CNTN4: variants seen among roughly 807,000 people sequenced by gnomAD.
CNTN4 encodes contactin 4.
A neutral mutation model predicts 122.5 loss-of-function variants in CNTN4; 77 were observed. That is an observed-to-expected ratio of 0.63 (90% CI 0.52 to 0.76). CNTN4 has a LOEUF of 0.76. Ranked by LOEUF, CNTN4 falls within the 30% of genes least tolerant of loss-of-function variation. CNTN4 has a pLI of 0.00. For missense variants in CNTN4, 1,256 were observed against 1,259.1 expected (o/e 1.00, Z 0.04); for synonymous variants, 512 against 447.0 (o/e 1.15, Z -1.83).
At chr3:2,960,972 T>C (rs1182654103) in intron 13 of CNTN4, among the ~76,000 whole-genome samples, 1 of 151,272 alleles carries the variant, frequency 6.6e-6, no homozygotes, top group Non-Finnish European at 1.5e-5. Context: ...GACTCACGCC[T>C]GTAATCCCAG....
chr3:2,799,549 G>A (rs1385387951), intron 6 of CNTN4, among the ~76,000 whole-genome samples: 5 of 151,776 alleles, frequency 3.3e-5, no homozygotes, highest in African/African-American at 1.2e-4. Flanking sequence ...TGCAACCTCT[G>A]CCTCCGGGGT....
intron 4 of CNTN4, among the ~76,000 whole-genome samples, chr3:2,724,400 A>G (rs770231830): frequency 5.3e-5 from 8 of 152,200 alleles, no homozygotes; most frequent in Non-Finnish European, 1.2e-4. Context: ...CCTATCTCCT[A>G]AGAAACAATG....
chr3:2,629,216 T>C (rs1351401821), intron 4 of CNTN4, among the ~76,000 whole-genome samples: 1 of 152,122 alleles, frequency 6.6e-6, no homozygotes, highest in Non-Finnish European at 1.5e-5. Flanking sequence ...GAAAAGGCCC[T>C]GTGGGGACAC....
intron 2 of CNTN4, among the ~76,000 whole-genome samples, chr3:2,164,690 C>G (rs1229455286): frequency 2.0e-5 from 3 of 152,148 alleles, no homozygotes; most frequent in African/African-American, 7.2e-5. Context: ...TTCTCATCTG[C>G]CACAGAAAAT....
rs529479721 is a variant in CNTN4, at chr3:2,709,826, G to C, written c.56-26389G>C. 6.6e-5 allele frequency among the ~76,000 whole-genome samples: 10 copies of C among 152,060 alleles called. No homozygotes were observed. Among genetic ancestry groups the C allele is most frequent in the South Asian group, 2.1e-4 (1 of 4,816 alleles). On this transcript the variant is annotated intron_variant, in intron 4 of 24. Coordinates refer to ENST00000418658, the MANE Select transcript of CNTN4 (RefSeq NM_175607.3). This position sits in a 1 kb window ranked among gnomAD's most constrained non-coding sequence, Gnocchi z 5.0. Reference sequence around the variant, plus strand: ...CTACTTGGGAGGCTGAGCCAGGAGAGCCCGGGAGTCCAGCAGTGAGCTGAG... The same window carrying C: ...CTACTTGGGAGGCTGAGCCAGGAGACCCCGGGAGTCCAGCAGTGAGCTGAG...
At chr3:2,184,826 GA>G (rs1472097716) in intron 2 of CNTN4, among the ~76,000 whole-genome samples, 1 of 152,036 alleles carries the variant, frequency 6.6e-6, no homozygotes, top group African/African-American at 2.4e-5. Flanking sequence ...AGAAGTGTGA[GA>G]AAAAAATTTC....
At chr3:2,213,712 A>T (rs11923165) in intron 2 of CNTN4, among the ~76,000 whole-genome samples, 2,198 of 152,290 alleles carry the variant, frequency 0.014, 49 homozygotes, top group African/African-American at 0.05. Context: ...CTGAAAAGCA[A>T]GTTTTGTTTT....
At chr3:2,842,944 A>G (rs1032124606) in intron 7 of CNTN4, among the ~76,000 whole-genome samples, 3 of 151,870 alleles carry the variant, frequency 2.0e-5, no homozygotes, top group African/African-American at 7.3e-5. Context: ...CCAGGCCTTT[A>G]TCTCTCTGTA....
At chr3:2,916,961 TGGA>T (rs1311600740) in intron 12 of CNTN4, among the ~76,000 whole-genome samples, 6 of 135,968 alleles carry the variant, frequency 4.4e-5, no homozygotes, top group Non-Finnish European at 7.9e-5. Context: ...GGCTGGGAGG[TGGA>T]GGTTGCAGCG....
intron 2 of CNTN4, among the ~76,000 whole-genome samples, chr3:2,142,202 A>G (rs2035027354): frequency 6.6e-6 from 1 of 152,180 alleles, no homozygotes; most frequent in East Asian, 1.9e-4. Flanking sequence ...TTTTTCCAAT[A>G]TTTGTGGAAG....
At chr3:3,051,648 C>G (rs1701285236) in intron 23 of CNTN4, among the ~76,000 whole-genome samples, 2 of 152,178 alleles carry the variant, frequency 1.3e-5, no homozygotes, top group South Asian at 2.1e-4. Flanking sequence ...GATGCTGGGT[C>G]TGATACAACT....
intron 4 of CNTN4, among the ~76,000 whole-genome samples, chr3:2,613,814 ATGTT>A (rs761708873): frequency 2.6e-5 from 4 of 151,906 alleles, no homozygotes; most frequent in Non-Finnish European, 4.4e-5. Context: ...AACAGCTTAA[ATGTT>A]TGTTTGTTTG....
At chr3:2,155,662 A>G (rs753873661) in intron 2 of CNTN4, among the ~76,000 whole-genome samples, 2 of 152,174 alleles carry the variant, frequency 1.3e-5, no homozygotes, top group African/African-American at 2.4e-5. Flanking sequence ...TCCAAGCACC[A>G]TGAGATTTGG....
chr3:2,992,682 T>G (rs1695158606), intron 14 of CNTN4, among the ~76,000 whole-genome samples: 1 of 152,174 alleles, frequency 6.6e-6, no homozygotes, highest in South Asian at 2.1e-4. Context: ...ATAGCAACCC[T>G]CACTCCTATT....
At chr3:2,319,901 T>C (rs2043225399) in intron 2 of CNTN4, among the ~76,000 whole-genome samples, 1 of 152,178 alleles carries the variant, frequency 6.6e-6, no homozygotes, top group African/African-American at 2.4e-5. Context: ...GTAATAGTAA[T>C]ACATGTATAG....
chr3:2,353,422 A>G (rs1327904185), intron 3 of CNTN4, among the ~76,000 whole-genome samples: 4 of 152,128 alleles, frequency 2.6e-5, no homozygotes, highest in South Asian at 2.1e-4. Context: ...CCCCTTCCAC[A>G]TTGTGGAAGC....
chr3:2,191,600 C>A (rs1373118670), intron 2 of CNTN4, among the ~76,000 whole-genome samples: 1 of 151,918 alleles, frequency 6.6e-6, no homozygotes, highest in East Asian at 1.9e-4. Flanking sequence ...ATTAGCTAGT[C>A]ATACTGGGCA....
chr3:2,415,927 T>A (rs1048087274), intron 3 of CNTN4, among the ~76,000 whole-genome samples: 1 of 152,280 alleles, frequency 6.6e-6, no homozygotes, highest in East Asian at 1.9e-4. Flanking sequence ...ATAACCTACA[T>A]TTGTTTTACT....
Position 3,043,004 on chromosome 3 carries a change from G to C in CNTN4, c.2539G>C (p.Glu847Gln), listed in dbSNP as rs1700305650. The C allele has an allele frequency of 6.2e-7, 1 of 1,613,950 alleles. No homozygotes were observed. Among genetic ancestry groups the C allele is most frequent in the Non-Finnish European group, 8.5e-7 (1 of 1,179,948 alleles). Residue 847 changes from glutamate (E) to glutamine (Q), a missense_variant, in exon 22 of 25, where the codon GAA (glutamate) becomes CAA (glutamine). Glu to Gln is a conservative substitution (Grantham distance 29, BLOSUM62 2). Coordinates refer to ENST00000418658, the MANE Select transcript of CNTN4 (RefSeq NM_175607.3). ...TAAATATTGGAGACATGAAGACAAA[G>C]AAGAAAATGCTAGAAAAATACGAAC... ...EVKYWRHEDK[E>Q]ENARKIRTVG...
Sources: gnomAD v4.1 joint callset for allele counts (sites outside exome capture counted in the v4.1 genomes callset) on GRCh38, gnomAD v4.1.1 for gene constraint, Gnocchi (gnomAD v3.1) non-coding constraint, MANE v1.5 for transcripts, NCBI Gene and HGNC (gene_info 2026-07-23, HGNC 2026-07-21) for gene names.